SLC22A15: variants seen among roughly 807,000 people sequenced by gnomAD.
The protein encoded by SLC22A15 is flipt 1.
In SLC22A15, 45 loss-of-function variants were observed where a neutral mutation model predicts 62.7. The observed-to-expected ratio is 0.72, with a 90% CI of 0.56 to 0.92. The LOEUF (loss-of-function observed/expected upper bound fraction) is 0.92. Ranked by LOEUF, SLC22A15 falls within the 40% of genes least tolerant of loss-of-function variation. SLC22A15 has a pLI of 0.00. For missense variants in SLC22A15, 622 were observed against 665.6 expected (o/e 0.93, Z 0.72); for synonymous variants, 264 against 267.0 (o/e 0.99, Z 0.11).
chr1:115,979,215 T>G (rs1232374135), intron 1 of SLC22A15, among the ~76,000 whole-genome samples: 1 of 152,220 alleles, frequency 6.6e-6, no homozygotes, highest in Non-Finnish European at 1.5e-5. Context: ...GGGTTTTTGG[T>G]TAACTGTTTT....
At chr1:116,057,964 G>A (rs1412071021) in intron 8 of SLC22A15, among the ~76,000 whole-genome samples, 11 of 151,774 alleles carry the variant, frequency 7.2e-5, no homozygotes, top group Admixed American at 1.3e-4. Flanking sequence ...GCTAAATGAC[G>A]AGTTAATGGG....
intron 1 of SLC22A15, among the ~76,000 whole-genome samples, chr1:115,988,687 A>ATTTT (rs33995476): frequency 1.4e-5 from 2 of 140,498 alleles, no homozygotes; most frequent in Non-Finnish European, 1.6e-5. Flanking sequence ...TGCCCAGCTA[A>ATTTT]TTTTTTTTTT....
At position 115,976,528 on chromosome 1, in the gene SLC22A15, G is replaced by T. The variant is rs1416171100; in HGVS notation, c.-100G>T. 8 of 647,354 alleles carry T rather than the reference G, an allele frequency of 1.2e-5. No individual in the cohort carries two copies. The East Asian group carries it at 3.3e-4, about 27-fold the overall frequency. 40.1% of individuals were successfully genotyped at this position (647,354 alleles called of 1,614,324 possible). ...CAGCGCTTCCATCCCCGCCCCGGCG[G>T]GTCCAAGCCGGTGCCGGGCGCCCAG... On this transcript the variant is annotated 5_prime_UTR_variant, in exon 1 of 12. Coordinates refer to ENST00000369503, the MANE Select transcript of SLC22A15 (RefSeq NM_018420.3).
intron 8 of SLC22A15, among the ~76,000 whole-genome samples, chr1:116,048,387 C>T (rs1037168799): frequency 3.3e-5 from 5 of 152,208 alleles, no homozygotes; most frequent in Non-Finnish European, 5.9e-5. Context: ...GCAGATTTCT[C>T]AGCAGAAACG....
chr1:115,988,162 G>C (rs369834342), intron 1 of SLC22A15, among the ~76,000 whole-genome samples: 1 of 152,176 alleles, frequency 6.6e-6, no homozygotes, highest in African/African-American at 2.4e-5. Flanking sequence ...AGCTAGAGAA[G>C]ATAATGATTT....
Position 116,064,463 on chromosome 1 carries a change from G to A in SLC22A15, c.1320G>A (p.Met440Ile). The A allele has an allele frequency of 1.9e-6, 3 of 1,613,540 alleles. No individual in the cohort carries two copies. Among genetic ancestry groups the A allele is most frequent in the Non-Finnish European group, 2.5e-6 (3 of 1,179,608 alleles). Residue 440 changes from methionine to isoleucine, a missense_variant, in exon 10 of 12, where the codon ATG (methionine) becomes ATA (isoleucine). Transcript: ENST00000369503. ...ATGTTGGGCTTGGAACTTGTTCCAT[G>A]TTCTCCCGAGTTGGTGGGATTATTG... Reference protein sequence around the residue: ...IRNVGLGTCSMFSRVGGIIAP... With the variant: ...IRNVGLGTCSIFSRVGGIIAP...
At position 116,026,739 on chromosome 1, in the gene SLC22A15, G is replaced by C. The variant is rs566582876; in HGVS notation, c.599-154G>C. Among the ~76,000 whole-genome samples the C allele has an allele frequency of 2.4e-4, 37 of 152,108 alleles. No individual in the cohort carries two copies. The South Asian group carries it at 3.1e-3, about 13-fold the overall frequency. The stretch of plus-strand genomic sequence containing the variant: ...CTTTCATTCTCTGATGTTCAACTTA[G>C]TGTAGATTTTTTTTTCTTTTCTGGT... On this transcript the variant is annotated intron_variant, in intron 4 of 11. Coordinates refer to ENST00000369503, the MANE Select transcript of SLC22A15 (RefSeq NM_018420.3).
chr1:116,032,223 GAGTGTA>G, intron 6 of SLC22A15: 1 of 985,440 alleles, frequency 1.0e-6, no homozygotes, highest in African/African-American at 1.7e-5. Flanking sequence ...CTCTCAGCGT[GAGTGTA>G]AGTTGCATTC....
chr1:115,991,759 G>T (rs1161937223), intron 1 of SLC22A15, among the ~76,000 whole-genome samples: 1 of 152,160 alleles, frequency 6.6e-6, no homozygotes, highest in Non-Finnish European at 1.5e-5. Context: ...TATAAGCAGT[G>T]TCTTTAGCAT....
chr1:116,039,437 G>T (rs529294625), intron 8 of SLC22A15, among the ~76,000 whole-genome samples: 10 of 152,190 alleles, frequency 6.6e-5, no homozygotes, highest in Admixed American at 5.9e-4. Context: ...GGAGGCTGAG[G>T]CAGGAGAATT....
intron 7 of SLC22A15, 82 bp downstream of exon 7, chr1:116,035,409 A>G: frequency 8.2e-7 from 1 of 1,224,334 alleles, no homozygotes; most frequent in Non-Finnish European, 1.1e-6. Context: ...ATGCATATCT[A>G]TATGGTGTTG....
At chr1:115,978,455 T>C (rs568455503) in intron 1 of SLC22A15, among the ~76,000 whole-genome samples, 1 of 152,328 alleles carries the variant, frequency 6.6e-6, no homozygotes, top group South Asian at 2.1e-4. Flanking sequence ...GGTCAGTATT[T>C]GCGGTACAAG....
intron 6 of SLC22A15, among the ~76,000 whole-genome samples, chr1:116,033,646 A>G (rs75025038): frequency 6.6e-6 from 1 of 151,962 alleles, no homozygotes; most frequent in Non-Finnish European, 1.5e-5. Flanking sequence ...ACAGAAAACC[A>G]ACTGGGAAAC....
chr1:115,988,635 C>T (rs1249439570), intron 1 of SLC22A15, among the ~76,000 whole-genome samples: 1 of 152,104 alleles, frequency 6.6e-6, no homozygotes, highest in Non-Finnish European at 1.5e-5. Flanking sequence ...GTTCTTCTGC[C>T]TCAGCCTCCC....
chr1:116,026,745 AT>A (rs949107015), intron 4 of SLC22A15, 147 bp from the exon 5 acceptor site: 68 of 831,496 alleles, frequency 8.2e-5, no homozygotes, highest in Non-Finnish European at 9.6e-5. Context: ...CTTAGTGTAG[AT>A]TTTTTTTTCT....
intron 8 of SLC22A15, among the ~76,000 whole-genome samples, chr1:116,058,359 A>C (rs867469456): frequency 2.6e-5 from 4 of 152,334 alleles, no homozygotes; most frequent in Admixed American, 6.5e-5. Context: ...AAAAAACATG[A>C]AAAAATGCTC....
chr1:116,016,843 C>T (rs1656560318), intron 2 of SLC22A15, among the ~76,000 whole-genome samples: 2 of 152,164 alleles, frequency 1.3e-5, no homozygotes, highest in Admixed American at 1.3e-4. Context: ...TCAGTTCTCT[C>T]CATCACCACT....
chr1:116,035,981 C>T (rs1007205634), intron 7 of SLC22A15, among the ~76,000 whole-genome samples: 2 of 152,222 alleles, frequency 1.3e-5, no homozygotes, highest in African/African-American at 4.8e-5. Flanking sequence ...TTCTTTTTCT[C>T]CAAAAATCAT....
At chr1:116,001,210 T>C (rs1655712226) in intron 2 of SLC22A15, among the ~76,000 whole-genome samples, 1 of 152,026 alleles carries the variant, frequency 6.6e-6, no homozygotes, top group African/African-American at 2.4e-5. Flanking sequence ...ATATTGGAGC[T>C]CCTTTATATG....
Sources: allele counts gnomAD v4.1 joint callset (sites outside exome capture counted in the v4.1 genomes callset), GRCh38; gene constraint gnomAD v4.1.1; transcripts MANE v1.5; gene names NCBI Gene and HGNC (gene_info 2026-07-23, HGNC 2026-07-21).